Variants in GNB4 observed in about 807,000 individuals in gnomAD.
GNB4 encodes the protein G protein subunit beta 4.
In GNB4, 28 loss-of-function variants were observed where a neutral mutation model predicts 45.2. The ratio of observed to expected loss-of-function variants is 0.62; its 90% confidence interval spans 0.46 to 0.85. The LOEUF is 0.85. Among genes scored for constraint, GNB4 ranks in the 40% least tolerant of loss-of-function variants. The pLI is 0.00. For synonymous variants in GNB4, 132 were observed against 143.7 expected (o/e 0.92, Z 0.58); for missense variants, 321 against 425.4 (o/e 0.75, Z 2.16).
At chr3:179,520,191 C>G in the GNB4 span, among the ~76,000 whole-genome samples, 26 of 139,516 alleles carry the variant, frequency 1.9e-4, no homozygotes, top group Admixed American at 4.3e-4. Context: ...ACCCATCAGG[C>G]TCAGCAAATC....
At chr3:179,512,196 G>C in the GNB4 span, among the ~76,000 whole-genome samples, 11 of 152,258 alleles carry the variant, frequency 7.2e-5, no homozygotes, top group African/African-American at 2.6e-4. Context: ...ATCAAAGTGA[G>C]GTTGCTGTTC....
At chr3:179,401,491 A>C (rs1235820183) in intron 9 of GNB4, among the ~76,000 whole-genome samples, 172 bp from the exon 10 acceptor site, 1 of 152,238 alleles carries the variant, frequency 6.6e-6, no homozygotes, top group Admixed American at 6.5e-5. Context: ...CTGAGTAAGA[A>C]GACAAGTTAG....
intron 1 of GNB4, among the ~76,000 whole-genome samples, chr3:179,447,443 G>C (rs962664690): frequency 1.8e-4 from 28 of 151,698 alleles, no homozygotes; most frequent in African/African-American, 6.8e-4. Flanking sequence ...TGACCTCCTG[G>C]ACTCAAGCAA....
the GNB4 span, among the ~76,000 whole-genome samples, chr3:179,512,628 T>A: frequency 4.4e-3 from 670 of 152,324 alleles, 7 homozygotes; most frequent in African/African-American, 0.015. Context: ...CATGGCAGGG[T>A]TGGACTCTGG....
At chr3:179,416,656 AT>A in intron 4 of GNB4, 100 bp from the exon 5 acceptor site, 1 of 636,018 alleles carries the variant, frequency 1.6e-6, no homozygotes, top group East Asian at 3.2e-5. Flanking sequence ...GAAAAATACA[AT>A]TTTTCCAACT....
chr3:179,469,214 G>A, the GNB4 span, among the ~76,000 whole-genome samples: 3 of 152,216 alleles, frequency 2.0e-5, no homozygotes, highest in African/African-American at 7.2e-5. Context: ...GGCCACCTTG[G>A]GAAGATGTTC....
chr3:179,465,821 TTC>T, the GNB4 span, among the ~76,000 whole-genome samples: 4,502 of 89,910 alleles, frequency 0.05, 195 homozygotes, highest in African/African-American at 0.15. Flanking sequence ...CTTCTTCTTC[TTC>T]TTTTTTTTTT....
At chr3:179,402,383 G>C (rs535862134) in intron 9 of GNB4, among the ~76,000 whole-genome samples, 1 of 152,266 alleles carries the variant, frequency 6.6e-6, no homozygotes, top group East Asian at 1.9e-4. Flanking sequence ...TTCAATCCAG[G>C]CAAAACACCA....
chr3:179,508,932 G>GTATATTA, the GNB4 span, among the ~76,000 whole-genome samples: 1 of 102,178 alleles, frequency 9.8e-6, no homozygotes, highest in Admixed American at 1.1e-4. Flanking sequence ...TTCAGCATGT[G>GTATATTA]TATATATATA....
At chr3:179,403,850 A>G (rs532403881) in intron 9 of GNB4, among the ~76,000 whole-genome samples, 193 of 152,086 alleles carry the variant, frequency 1.3e-3, no homozygotes, top group African/African-American at 4.4e-3. Context: ...ATTCTTAAAA[A>G]ACAAAAAAAG....
chr3:179,416,886 A>C lies in GNB4; in HGVS notation c.204-330T>G, dbSNP rs966343237. ...TACTGACTTACTTAAATTTCATGAC[A>C]AGAATGTACATAGAAGCCTAACAAC... On this transcript the variant is annotated intron_variant, in intron 4 of 9. Coordinates refer to ENST00000232564, the MANE Select transcript of GNB4 (RefSeq NM_021629.4). Among the ~76,000 whole-genome samples the C allele has an allele frequency of 2.0e-5, 3 of 152,212 alleles. No homozygotes were observed. In the South Asian group the frequency reaches 6.2e-4, roughly 31 times the overall value.
chr3:179,488,050 CAAA>C, the GNB4 span, among the ~76,000 whole-genome samples: 1 of 142,652 alleles, frequency 7.0e-6, no homozygotes. Flanking sequence ...GACTCTGTCT[CAAA>C]AAAAAAAAAA....
the GNB4 span, among the ~76,000 whole-genome samples, chr3:179,519,575 T>A: frequency 3.3e-4 from 51 of 152,326 alleles, no homozygotes; most frequent in Middle Eastern, 0.014. Flanking sequence ...CACTCTTTTA[T>A]GCACTCTTTT....
At chr3:179,503,370 T>C in the GNB4 span, among the ~76,000 whole-genome samples, 1 of 152,324 alleles carries the variant, frequency 6.6e-6, no homozygotes, top group South Asian at 2.1e-4. Flanking sequence ...AAATATTCAT[T>C]ATAGAATCTA....
At chr3:179,521,205 C>A in the GNB4 span, among the ~76,000 whole-genome samples, 1 of 152,190 alleles carries the variant, frequency 6.6e-6, no homozygotes, top group African/African-American at 2.4e-5. Flanking sequence ...CTCGGTTTGG[C>A]CTTCCCACCT....
chr3:179,459,630 C>T, the GNB4 span, among the ~76,000 whole-genome samples: 3 of 151,026 alleles, frequency 2.0e-5, no homozygotes, highest in Admixed American at 6.6e-5. Flanking sequence ...TGCGGTGAGC[C>T]GAGATCGTGC....
chr3:179,401,202 G>A lies in GNB4; in HGVS notation c.*11C>T. ...AGATATATCAATGGAGAACAAATAT[G>A]TATGACACTGTTAATTCCAGATTCT... On this transcript the variant is annotated 3_prime_UTR_variant, in exon 10 of 10. Transcript: ENST00000232564. 1 of 1,576,258 alleles carries A rather than the reference G, an allele frequency of 6.3e-7. No individual in the cohort carries two copies.
chr3:179,448,792 G>A (rs1200611806), intron 1 of GNB4, among the ~76,000 whole-genome samples: 1 of 152,140 alleles, frequency 6.6e-6, no homozygotes, highest in East Asian at 1.9e-4. Flanking sequence ...AGAGAAATGA[G>A]GCAGGGCCAG....
At chr3:179,439,673 T>TTTGTC (rs1217364921) in intron 1 of GNB4, among the ~76,000 whole-genome samples, 1 of 152,034 alleles carries the variant, frequency 6.6e-6, no homozygotes, top group Non-Finnish European at 1.5e-5. Flanking sequence ...TTCTGCTGTA[T>TTTGTC]TTGTCTATGT....
Sources: gnomAD v4.1 joint callset for allele counts (sites outside exome capture counted in the v4.1 genomes callset) on GRCh38, gnomAD v4.1.1 for gene constraint, MANE v1.5 for transcripts, NCBI Gene and HGNC (gene_info 2026-07-23, HGNC 2026-07-21) for gene names.